SMARCAD1: variants seen among roughly 807,000 people sequenced by gnomAD.
The protein encoded by SMARCAD1 is SWI/SNF-related matrix-associated actin-dependent regulator of chromatin subfamily A containing DEAD/H box 1.
In SMARCAD1, 25 loss-of-function variants were observed where a neutral mutation model predicts 127.1. The ratio of observed to expected loss-of-function variants is 0.20; its 90% CI spans 0.14 to 0.27. The LOEUF is 0.27. Ranked by LOEUF, SMARCAD1 falls within the 10% of genes least tolerant of loss-of-function variation. The probability of loss-of-function intolerance (pLI) is 1.00; values close to 1 mark genes in which losing one functional copy is unlikely to be tolerated. For synonymous variants in SMARCAD1, 400 were observed against 396.9 expected (o/e 1.01, Z -0.09); for missense variants, 807 against 1,206.0 (o/e 0.67, Z 4.90).
chr4:94,212,335 C>T (rs945386283), intron 2 of SMARCAD1, among the ~76,000 whole-genome samples: 13 of 151,418 alleles, frequency 8.6e-5, no homozygotes, highest in African/African-American at 2.2e-4. Flanking sequence ...CCACCATGCC[C>T]GGCTAATTTT....
At chr4:94,270,494 T>C (rs1752402724) in intron 10 of SMARCAD1, 3 of 443,942 alleles carry the variant, frequency 6.8e-6, no homozygotes, top group African/African-American at 2.0e-5. Flanking sequence ...TGACCAAATA[T>C]GGAAATGCTT....
intron 19 of SMARCAD1, 123 bp from the exon 20 acceptor site, chr4:94,280,469 G>T: frequency 1.2e-6 from 1 of 848,446 alleles, no homozygotes. Context: ...TGATAAGTCT[G>T]TTACACTAAA....
chr4:94,241,158 G>A, intron 6 of SMARCAD1, 152 bp downstream of exon 6: 1 of 636,190 alleles, frequency 1.6e-6, no homozygotes, highest in Non-Finnish European at 2.8e-6. Context: ...ATTTGTGACT[G>A]TTTTTGCTTT....
At chr4:94,237,398 T>C (rs1337625329) in intron 5 of SMARCAD1, among the ~76,000 whole-genome samples, 1 of 151,984 alleles carries the variant, frequency 6.6e-6, no homozygotes, top group African/African-American at 2.4e-5. Flanking sequence ...TTTCAGGGGC[T>C]TGGGATACAA....
chr4:94,220,515 T>A (rs1198504707), intron 2 of SMARCAD1, among the ~76,000 whole-genome samples: 1 of 152,204 alleles, frequency 6.6e-6, no homozygotes, highest in Admixed American at 6.5e-5. Flanking sequence ...CCCAAAGTGC[T>A]GGGATTACAG....
chr4:94,277,995 C>G (rs377127898), intron 16 of SMARCAD1, among the ~76,000 whole-genome samples: 23 of 152,158 alleles, frequency 1.5e-4, no homozygotes, highest in African/African-American at 5.3e-4. Flanking sequence ...ATTTTTAGAC[C>G]AAGTGATTTG....
intron 9 of SMARCAD1, among the ~76,000 whole-genome samples, chr4:94,260,294 CAT>C: frequency 6.6e-6 from 1 of 152,282 alleles, no homozygotes; most frequent in Non-Finnish European, 1.5e-5. Flanking sequence ...GTTGATGCTA[CAT>C]GTCTGGATCC....
chr4:94,283,508 A>G (rs1033539534), intron 22 of SMARCAD1, among the ~76,000 whole-genome samples: 3 of 152,176 alleles, frequency 2.0e-5, no homozygotes, highest in African/African-American at 7.2e-5. Flanking sequence ...CCACATTCCA[A>G]ATAGTTCTGC....
intron 2 of SMARCAD1, among the ~76,000 whole-genome samples, chr4:94,209,905 A>C (rs1029281154): frequency 2.0e-5 from 3 of 152,246 alleles, no homozygotes; most frequent in Non-Finnish European, 4.4e-5. Context: ...AGGAAAGCCA[A>C]GGTGTAGACA....
chr4:94,282,092 G>GTTTTTTTTTTT (rs144409121), intron 21 of SMARCAD1, among the ~76,000 whole-genome samples: 5 of 110,980 alleles, frequency 4.5e-5, no homozygotes, highest in Non-Finnish European at 6.8e-5. Flanking sequence ...ATGCAAATAC[G>GTTTTTTTTTTT]TTTTTTTGTT....
intron 2 of SMARCAD1, among the ~76,000 whole-genome samples, chr4:94,215,128 A>G (rs1742959826): frequency 6.6e-6 from 1 of 152,168 alleles, no homozygotes; most frequent in South Asian, 2.1e-4. Context: ...CCATTGCGCA[A>G]TACTCAGTCT....
intron 21 of SMARCAD1, among the ~76,000 whole-genome samples, chr4:94,282,092 G>GTTTTTTTTTT (rs144409121): frequency 5.4e-5 from 6 of 110,982 alleles, no homozygotes; most frequent in Admixed American, 1.2e-4. Flanking sequence ...ATGCAAATAC[G>GTTTTTTTTTT]TTTTTTTGTT....
chr4:94,255,582 T>A lies in SMARCAD1; in HGVS notation c.1281+2575T>A, dbSNP rs150900549. On this transcript the variant is annotated intron_variant, in intron 9 of 23. Coordinates refer to ENST00000354268, the MANE Select transcript of SMARCAD1 (RefSeq NM_020159.5). ...AGTAGATATATATAAAATGTAAGTA[T>A]AATATACTTATTAATATTACCTACT... Among the ~76,000 whole-genome samples the A allele has an allele frequency of 1.6e-4, 24 of 152,004 alleles. 1 individual carries two copies. Among genetic ancestry groups the A allele is most frequent in the African/African-American group, 4.3e-4 (18 of 41,540 alleles).
intron 3 of SMARCAD1, among the ~76,000 whole-genome samples, chr4:94,233,191 A>C (rs1428241376): frequency 6.6e-6 from 1 of 152,182 alleles, no homozygotes; most frequent in African/African-American, 2.4e-5. Context: ...GATTATACCT[A>C]AGTATAGTCC....
chr4:94,249,282 A>G (rs1258165530), intron 6 of SMARCAD1, among the ~76,000 whole-genome samples: 1 of 152,148 alleles, frequency 6.6e-6, no homozygotes, highest in Non-Finnish European at 1.5e-5. Flanking sequence ...AATAGTGAAC[A>G]TAGATGAGAT....
chr4:94,209,064 AT>A (rs1741756054), intron 2 of SMARCAD1, among the ~76,000 whole-genome samples: 1 of 152,220 alleles, frequency 6.6e-6, no homozygotes, highest in Non-Finnish European at 1.5e-5. Flanking sequence ...GACTTCCTGG[AT>A]GTCCTCAGAA....
At chr4:94,239,397 T>A (rs1009094355) in intron 5 of SMARCAD1, among the ~76,000 whole-genome samples, 1 of 151,314 alleles carries the variant, frequency 6.6e-6, no homozygotes, top group African/African-American at 2.4e-5. Context: ...TCATCCTGCG[T>A]ATTAAACACT....
chr4:94,245,553 A>G (rs891849569), intron 6 of SMARCAD1, among the ~76,000 whole-genome samples: 6 of 152,220 alleles, frequency 3.9e-5, no homozygotes, highest in Admixed American at 3.3e-4. Flanking sequence ...GACATAACAC[A>G]AGGACAGTGA....
chr4:94,277,084 G>A lies in SMARCAD1; in HGVS notation c.2007G>A (p.Ser669=), dbSNP rs150247319. The A allele has an allele frequency of 4.3e-5, 69 of 1,613,890 alleles. No individual in the cohort carries two copies. In the East Asian group the frequency reaches 6.9e-4, roughly 16 times the overall value. Residue 669 remains serine, a synonymous_variant, in exon 16 of 24, where the codon TCG becomes TCA. Coordinates refer to ENST00000354268, the MANE Select transcript of SMARCAD1 (RefSeq NM_020159.5). ...AGAACAATCTGTTAGAACTCATGTCGCTGTTGAATTTTGTTATGCCACACA... is the reference window on the plus strand; with the variant it reads ...AGAACAATCTGTTAGAACTCATGTCACTGTTGAATTTTGTTATGCCACACA... The part of the protein sequence containing the change: ...PVQNNLLELM[S]LLNFVMPHMF...
Sources: allele counts gnomAD v4.1 joint callset (sites outside exome capture counted in the v4.1 genomes callset), GRCh38; gene constraint gnomAD v4.1.1; transcripts MANE v1.5; gene names NCBI Gene and HGNC (gene_info 2026-07-23, HGNC 2026-07-21).